JAKMIP3: variants seen among roughly 807,000 people sequenced by gnomAD.
JAKMIP3 encodes Janus kinase and microtubule interacting protein 3.
JAKMIP3 carries 58 observed loss-of-function variants against 118.5 expected under a neutral mutation model. The ratio of observed to expected loss-of-function variants is 0.49; its 90% confidence interval spans 0.40 to 0.61. JAKMIP3 has a LOEUF of 0.61. JAKMIP3 is among the 20% of genes least tolerant of loss of function. The pLI is 0.00. For synonymous variants in JAKMIP3, 486 were observed against 451.2 expected, an observed-to-expected ratio of 1.08 and a Z score of -0.98; for missense variants, 950 against 1,109.0, an observed-to-expected ratio of 0.86 and a Z score of 2.04.
intron 1 of JAKMIP3, among the ~76,000 whole-genome samples, chr10:132,073,585 C>T (rs2134037716): frequency 6.6e-6 from 1 of 151,660 alleles, no homozygotes; most frequent in East Asian, 1.9e-4. Flanking sequence ...CAGCCTTGAC[C>T]TCCCGGGCTC....
chr10:132,124,286 C>T (rs1420720350), intron 3 of JAKMIP3, among the ~76,000 whole-genome samples: 2 of 152,088 alleles, frequency 1.3e-5, no homozygotes, highest in African/African-American at 4.8e-5. Context: ...CGCGGTCGCC[C>T]GTCCCACCCT....
chr10:132,148,088 G>T (rs753308502), intron 14 of JAKMIP3, 38 bp downstream of exon 14: 5 of 1,350,250 alleles, frequency 3.7e-6, no homozygotes, highest in South Asian at 2.4e-5. Context: ...GCCTGTGGCT[G>T]TGTCAGGGAT....
chr10:132,068,458 C>T (rs770653488), intron 1 of JAKMIP3, among the ~76,000 whole-genome samples: 3 of 152,160 alleles, frequency 2.0e-5, no homozygotes, highest in Non-Finnish European at 4.4e-5. Flanking sequence ...ATGTTGGCCT[C>T]CTAGGCTTCT....
At chr10:132,171,576 T>A (rs2059484715) in intron 23 of JAKMIP3, among the ~76,000 whole-genome samples, 1 of 152,178 alleles carries the variant, frequency 6.6e-6, no homozygotes, top group Non-Finnish European at 1.5e-5. Context: ...AGACTTAAAG[T>A]TGCACAAATT....
At chr10:132,111,263 CAG>C (rs375946638) in intron 2 of JAKMIP3, among the ~76,000 whole-genome samples, 36 of 152,250 alleles carry the variant, frequency 2.4e-4, no homozygotes, top group African/African-American at 8.2e-4. Flanking sequence ...ATGACGGGGA[CAG>C]GGGCCGAGGC....
chr10:132,039,012 G>A (rs992604473), intron 1 of JAKMIP3, among the ~76,000 whole-genome samples: 2 of 152,166 alleles, frequency 1.3e-5, no homozygotes, highest in African/African-American at 4.8e-5. Flanking sequence ...GAGGCCACAC[G>A]GGGAACCAGG....
intron 23 of JAKMIP3, among the ~76,000 whole-genome samples, chr10:132,173,340 C>T (rs77923721): frequency 0.027 from 4,099 of 150,216 alleles, 179 homozygotes; most frequent in African/African-American, 0.09. Flanking sequence ...GTTTGTGACA[C>T]TGGCGGTAGC....
chr10:132,164,840 C>A, intron 21 of JAKMIP3, 105 bp downstream of exon 21: 1 of 778,108 alleles, frequency 1.3e-6, no homozygotes, highest in South Asian at 1.6e-5. Flanking sequence ...GGGCAGCAGA[C>A]TTCGCTCCCA....
At chr10:132,134,603 C>A (rs1009309799) in intron 4 of JAKMIP3, among the ~76,000 whole-genome samples, 16 of 152,176 alleles carry the variant, frequency 1.1e-4, no homozygotes, top group African/African-American at 3.9e-4. Context: ...AGAAATGCCG[C>A]CCCGTGGGGC....
At chr10:132,093,551 A>C (rs2043391136) in intron 1 of JAKMIP3, among the ~76,000 whole-genome samples, 1 of 152,176 alleles carries the variant, frequency 6.6e-6, no homozygotes, top group Non-Finnish European at 1.5e-5. Flanking sequence ...CACGGGATAT[A>C]ATCTCCTATT....
chr10:132,058,242 T>C (rs1055558976), intron 1 of JAKMIP3, among the ~76,000 whole-genome samples: 1 of 152,180 alleles, frequency 6.6e-6, no homozygotes, highest in Non-Finnish European at 1.5e-5. Context: ...ATGGATTCAT[T>C]TGGCACCCAT....
At chr10:132,071,762 TG>T (rs1468491740) in intron 1 of JAKMIP3, among the ~76,000 whole-genome samples, 3 of 151,990 alleles carry the variant, frequency 2.0e-5, no homozygotes, top group Non-Finnish European at 4.4e-5. Flanking sequence ...ATATTTAGAG[TG>T]GGTTTCTTCT....
chr10:132,145,595 C>T lies in JAKMIP3; in HGVS notation c.1749+15C>T. The stretch of plus-strand genomic sequence containing the variant: ...TTGTGGAAAAGGTGAGCCCCGAACC[C>T]CTGGAGGCCCTGGCAGGACTCGCTC... On this transcript the variant is annotated intron_variant, in intron 13 of 23. Transcript: ENST00000684848. The T allele has an allele frequency of 6.4e-7, 1 of 1,555,250 alleles. No homozygotes were observed. The highest frequency in any genetic ancestry group is 8.7e-7 in the Non-Finnish European group (1 of 1,149,094).
At chr10:132,156,368 C>A (rs869252) in intron 19 of JAKMIP3, among the ~76,000 whole-genome samples, 1 of 152,064 alleles carries the variant, frequency 6.6e-6, no homozygotes, top group African/African-American at 2.4e-5. Context: ...TGCTCTCCCA[C>A]GAGCACCAAG....
At chr10:132,132,523 A>G (rs111365001) in intron 3 of JAKMIP3, among the ~76,000 whole-genome samples, 3 of 143,106 alleles carry the variant, frequency 2.1e-5, no homozygotes, top group Non-Finnish European at 4.6e-5. Context: ...TCTTCCCTTC[A>G]TAGGTTGAGC....
At chr10:132,125,942 T>G (rs1366936656) in intron 3 of JAKMIP3, among the ~76,000 whole-genome samples, 1 of 152,212 alleles carries the variant, frequency 6.6e-6, no homozygotes, top group Non-Finnish European at 1.5e-5. Flanking sequence ...TGGGGGTTGT[T>G]TTTTGAGAGA....
chr10:132,110,900 C>T (rs1204416848), intron 2 of JAKMIP3, among the ~76,000 whole-genome samples: 1 of 152,172 alleles, frequency 6.6e-6, no homozygotes, highest in African/African-American at 2.4e-5. Context: ...AAGAGCCATA[C>T]GTGTCATGAG....
chr10:132,112,672 T>C lies in JAKMIP3; in HGVS notation c.136-4405T>C, dbSNP rs1050122292. Among the ~76,000 whole-genome samples the C allele has an allele frequency of 6.6e-6, 1 of 152,232 alleles. No individual in the cohort carries two copies. The highest frequency in any genetic ancestry group is 2.4e-5 in the African/African-American group (1 of 41,456). On this transcript the variant is annotated intron_variant, in intron 2 of 23. Coordinates refer to ENST00000684848, the MANE Select transcript of JAKMIP3 (RefSeq NM_001323087.2). This position sits in a 1 kb window ranked among gnomAD's most constrained non-coding sequence, Gnocchi z 4.3. ...TATTACTGTGGGTACCTGAATGTTC[T>C]GAGCCTATAGGAGTGGGGAAATAGT...
intron 2 of JAKMIP3, among the ~76,000 whole-genome samples, chr10:132,116,041 C>T (rs2047591841): frequency 6.6e-6 from 1 of 152,234 alleles, no homozygotes; most frequent in African/African-American, 2.4e-5. Flanking sequence ...ATATAGGACC[C>T]CCACAGCGTG....
Sources: gnomAD v4.1 joint callset for allele counts (sites outside exome capture counted in the v4.1 genomes callset) on GRCh38, gnomAD v4.1.1 for gene constraint, Gnocchi (gnomAD v3.1) non-coding constraint, MANE v1.5 for transcripts, NCBI Gene and HGNC (gene_info 2026-07-23, HGNC 2026-07-21) for gene names.